Variants in TP63 observed in about 807,000 individuals in gnomAD.
TP63 encodes the protein tumor protein 63.
TP63 carries 17 observed loss-of-function variants against 82.8 expected under a neutral mutation model. The observed-to-expected ratio is 0.21, with a 90% CI of 0.14 to 0.31. The LOEUF (loss-of-function observed/expected upper bound fraction) is 0.31, where lower values mean the gene tolerates loss of function less well. TP63 is among the 10% of genes least tolerant of loss of function. The pLI is 1.00. For missense variants in TP63, 648 were observed against 895.3 expected, an observed-to-expected ratio of 0.72 and a Z score of 3.52; for synonymous variants, 330 against 321.7, an observed-to-expected ratio of 1.03 and a Z score of -0.28.
At chr3:189,715,707 A>C (rs183486771) in intron 1 of TP63, among the ~76,000 whole-genome samples, 15 of 152,358 alleles carry the variant, frequency 9.8e-5, no homozygotes, top group Admixed American at 9.8e-4. Context: ...GATACTGTAC[A>C]TAAACCACAA....
chr3:189,844,028 C>T (rs919478885), intron 4 of TP63, among the ~76,000 whole-genome samples: 5 of 151,724 alleles, frequency 3.3e-5, no homozygotes, highest in Non-Finnish European at 7.4e-5. Flanking sequence ...AATGCCCCCA[C>T]CCCAACCCCA....
Position 189,662,151 on chromosome 3 carries a change from A to G in TP63, c.62+30574A>G, listed in dbSNP as rs1291035275. ...TGTTTTTATAGTTCCTTTAGGTGTG[A>G]TGTTAGATCATTAATTTGAGGTCTT... On this transcript the variant is annotated intron_variant, in intron 1 of 13. Coordinates refer to ENST00000264731, the MANE Select transcript of TP63 (RefSeq NM_003722.5). 1.0e-3 allele frequency among the ~76,000 whole-genome samples: 157 copies of G among 152,076 alleles called. 1 individual carries two copies. The highest frequency in any genetic ancestry group is 7.7e-4 in the Non-Finnish European group (52 of 67,936).
intron 1 of TP63, among the ~76,000 whole-genome samples, chr3:189,712,514 G>A (rs1368967985): frequency 6.6e-6 from 1 of 152,104 alleles, no homozygotes; most frequent in Non-Finnish European, 1.5e-5. Flanking sequence ...GCACCTTCTT[G>A]TTTTGTCCTC....
At chr3:189,832,385 C>T (rs377189417) in intron 4 of TP63, among the ~76,000 whole-genome samples, 2 of 152,080 alleles carry the variant, frequency 1.3e-5, no homozygotes, top group Non-Finnish European at 1.5e-5. Context: ...TAGTATATAT[C>T]GTTCATTACA....
At chr3:189,787,230 C>T (rs1179138747) in intron 3 of TP63, among the ~76,000 whole-genome samples, 1 of 152,020 alleles carries the variant, frequency 6.6e-6, no homozygotes, top group East Asian at 1.9e-4. Context: ...GATGAGCAAA[C>T]TGAGGGACAA....
At chr3:189,842,231 A>C (rs1196971458) in intron 4 of TP63, among the ~76,000 whole-genome samples, 3 of 152,076 alleles carry the variant, frequency 2.0e-5, no homozygotes, top group Admixed American at 6.5e-5. Context: ...GGAGAGAGAG[A>C]GAGAGAGAGC....
In TP63 at chr3:189,808,337, C is replaced by T. The variant is rs1443263485; in HGVS notation, c.390C>T (p.Ser130=). 6.2e-7 allele frequency: 1 copy of T among 1,614,220 alleles called. No homozygotes were observed. Among genetic ancestry groups the T allele is most frequent in the East Asian group, 2.2e-5 (1 of 44,874 alleles). Residue 130 remains serine (S), a synonymous_variant, in exon 4 of 14, where the codon TCC becomes TCT. Transcript: ENST00000264731. ...MDQQIQNGSS[S]TSPYNTDHAQ... ...AGCAGATTCAGAACGGCTCCTCGTC[C>T]ACCAGTCCCTATAACACAGACCACG...
chr3:189,601,259 A>G, the TP63 span, among the ~76,000 whole-genome samples: 1 of 152,056 alleles, frequency 6.6e-6, no homozygotes, highest in African/African-American at 2.4e-5. Context: ...AAGCTTCTAA[A>G]TTGTTTCCCT....
chr3:189,872,587 C>T (rs373558399), intron 9 of TP63, among the ~76,000 whole-genome samples: 59 of 152,130 alleles, frequency 3.9e-4, no homozygotes, highest in African/African-American at 1.4e-3. Context: ...ATGAAAAGAA[C>T]GTGGGTTTAC....
chr3:189,636,467 G>C (rs964412578), intron 1 of TP63, among the ~76,000 whole-genome samples: 5 of 152,206 alleles, frequency 3.3e-5, no homozygotes, highest in Middle Eastern at 3.4e-3. Context: ...CACCCCTTTA[G>C]TGTACGGTAA....
chr3:189,640,039 T>C (rs1046592226), intron 1 of TP63, among the ~76,000 whole-genome samples: 1 of 152,136 alleles, frequency 6.6e-6, no homozygotes, highest in Non-Finnish European at 1.5e-5. Flanking sequence ...TCTTCTTTAT[T>C]ATTTTCTGGC....
At chr3:189,648,235 C>G (rs993602126) in intron 1 of TP63, among the ~76,000 whole-genome samples, 1 of 147,198 alleles carries the variant, frequency 6.8e-6, no homozygotes, top group Non-Finnish European at 1.5e-5. Context: ...TGACCCCCTT[C>G]CCTTCACACA....
At chr3:189,613,884 A>C in the TP63 span, among the ~76,000 whole-genome samples, 1 of 152,080 alleles carries the variant, frequency 6.6e-6, no homozygotes, top group Non-Finnish European at 1.5e-5. Context: ...ACTGTCTCTT[A>C]TTTGGAACAG....
intron 11 of TP63, among the ~76,000 whole-genome samples, chr3:189,887,465 A>T (rs1720573183): frequency 6.6e-6 from 1 of 152,144 alleles, no homozygotes; most frequent in South Asian, 2.1e-4. Context: ...CACATTCCTC[A>T]TATCAGCTAA....
chr3:189,729,083 A>T (rs1206091917), intron 1 of TP63, among the ~76,000 whole-genome samples: 2 of 152,212 alleles, frequency 1.3e-5, no homozygotes, highest in Non-Finnish European at 2.9e-5. Flanking sequence ...TTGAAGGCTG[A>T]TCATTACATA....
rs564464510 is a variant in TP63, at chr3:189,726,530, A to C, written c.63-11210A>C. ...ATGTAGCAATAGACTATTGAATCAT[A>C]TCTTTGTGATATATCATGCTTTATG... On this transcript the variant is annotated intron_variant, in intron 1 of 13. Coordinates refer to ENST00000264731, the MANE Select transcript of TP63 (RefSeq NM_003722.5). Among the ~76,000 whole-genome samples, 3 of 152,330 alleles carry C rather than the reference A, an allele frequency of 2.0e-5. No homozygotes were observed. The South Asian group carries it at 6.2e-4, about 32-fold the overall frequency.
intron 3 of TP63, among the ~76,000 whole-genome samples, chr3:189,740,035 A>G (rs200246176): frequency 0.12 from 7,341 of 60,660 alleles, 347 homozygotes; most frequent in East Asian, 0.4. Context: ...GAGAAAGTCA[A>G]TTGGAGAAAG....
chr3:189,705,778 G>A (rs933838841), intron 1 of TP63, among the ~76,000 whole-genome samples: 6 of 152,240 alleles, frequency 3.9e-5, no homozygotes, highest in African/African-American at 9.6e-5. Flanking sequence ...AAGATTTTTT[G>A]TATGTCAAAA....
At chr3:189,631,370 G>A, upstream of TP63, 1 of 1,519,028 alleles carries the variant, frequency 6.6e-7, no homozygotes, top group Non-Finnish European at 8.8e-7. Flanking sequence ...ATGTATGAAG[G>A]AGAGAAGTGC....
Sources: allele counts gnomAD v4.1 joint callset (sites outside exome capture counted in the v4.1 genomes callset), GRCh38; gene constraint gnomAD v4.1.1; transcripts MANE v1.5; gene names NCBI Gene and HGNC (gene_info 2026-07-23, HGNC 2026-07-21).